EPB41L4A: variants seen among roughly 807,000 people sequenced by gnomAD.
The protein encoded by EPB41L4A is erythrocyte membrane protein band 4.1 like 4A.
Under a neutral mutation model 108.6 loss-of-function variants are expected in EPB41L4A, and 100 were observed. The ratio of observed to expected loss-of-function variants is 0.92; its 90% CI spans 0.78 to 1.09. EPB41L4A has a LOEUF of 1.09. Among genes scored for constraint, EPB41L4A ranks in the 50% least tolerant of loss-of-function variants. EPB41L4A has a pLI of 0.00. For missense variants in EPB41L4A, 1,030 were observed against 842.7 expected, an observed-to-expected ratio of 1.22 and a Z score of -2.75; for synonymous variants, 319 against 289.0, an observed-to-expected ratio of 1.10 and a Z score of -1.05.
intron 9 of EPB41L4A, among the ~76,000 whole-genome samples, chr5:112,252,462 T>C (rs1750745970): frequency 6.6e-6 from 1 of 151,976 alleles, no homozygotes; most frequent in South Asian, 2.1e-4. Flanking sequence ...CTGAAATATA[T>C]TATACCAAAA....
chr5:112,200,420 T>C (rs1348978425), intron 15 of EPB41L4A, among the ~76,000 whole-genome samples: 1 of 152,240 alleles, frequency 6.6e-6, no homozygotes, highest in African/African-American at 2.4e-5. Context: ...TAGGTTTCAA[T>C]AAAAAGTTTT....
At chr5:112,218,483 A>G (rs1386716439) in intron 12 of EPB41L4A, among the ~76,000 whole-genome samples, 2 of 152,172 alleles carry the variant, frequency 1.3e-5, no homozygotes, top group Non-Finnish European at 2.9e-5. Flanking sequence ...AGGGCTACAC[A>G]GCCGACTGAC....
At position 112,361,692 on chromosome 5, in the gene EPB41L4A, A is replaced by G. The variant is rs1758771013; in HGVS notation, c.100-54202T>C. 1.8e-5 allele frequency among the ~76,000 whole-genome samples: 2 copies of G among 114,210 alleles called. 1 individual carries two copies. Among genetic ancestry groups the G allele is most frequent in the South Asian group, 7.6e-4 (2 of 2,632 alleles). 74.9% of individuals were successfully genotyped at this position (114,210 alleles called of 152,430 possible). A position where few individuals can be genotyped will look rare whatever the true frequency, so the allele number is the denominator to read the frequency against. Reference sequence around the variant, plus strand: ...ATAGTAGAAGTAAAATAAAAAGAACACCAAAAATGCTAAAAAAAAATAATA... The same window carrying G: ...ATAGTAGAAGTAAAATAAAAAGAACGCCAAAAATGCTAAAAAAAAATAATA... On this transcript the variant is annotated intron_variant, in intron 1 of 22. Transcript: ENST00000261486.
intron 9 of EPB41L4A, among the ~76,000 whole-genome samples, chr5:112,245,434 T>C (rs1750136293): frequency 6.6e-6 from 1 of 152,212 alleles, no homozygotes; most frequent in Non-Finnish European, 1.5e-5. Flanking sequence ...AAGTCCAACT[T>C]GAATGATGCT....
In EPB41L4A at chr5:112,183,937, C is replaced by G. The variant is rs151146994; in HGVS notation, c.1622+79G>C. ...TGAAATAATCCTAGTTGAACTAAAA[C>G]ACTTTAGAAGACCTGAATATCCACA... On this transcript the variant is annotated intron_variant, in intron 18 of 22. Coordinates refer to ENST00000261486, the MANE Select transcript of EPB41L4A (RefSeq NM_022140.5). 220 of 1,541,162 alleles carry G rather than the reference C, an allele frequency of 1.4e-4. 2 individuals are homozygous for G. In the East Asian group the frequency reaches 4.2e-3, roughly 29 times the overall value.
rs184748618 is a variant in EPB41L4A at position 112,308,981 on chromosome 5, T to C, written c.100-1491A>G. ...ACTCTTTCATGTGCTTACTAGTCAA[T>C]TGCATTTCCTAGCCTTTGAGTTAGG... is the stretch of plus-strand genomic sequence containing the variant. On this transcript the variant is annotated intron_variant, in intron 1 of 22. Coordinates refer to ENST00000261486, the MANE Select transcript of EPB41L4A (RefSeq NM_022140.5). Among the ~76,000 whole-genome samples the C allele has an allele frequency of 1.6e-3, 249 of 152,308 alleles. 1 individual carries two copies. The highest frequency in any genetic ancestry group is 4.6e-3 in the Admixed American group (70 of 15,302).
At chr5:112,321,097 T>C (rs1002700361) in intron 1 of EPB41L4A, among the ~76,000 whole-genome samples, 54 of 152,144 alleles carry the variant, frequency 3.5e-4, no homozygotes, top group Non-Finnish European at 1.0e-4. Flanking sequence ...TTCATAATTA[T>C]GAGCCGGTTT....
intron 9 of EPB41L4A, 108 bp downstream of exon 9, chr5:112,259,121 C>T: frequency 1.2e-6 from 1 of 835,564 alleles, no homozygotes; most frequent in South Asian, 1.6e-5. Flanking sequence ...TAACCTGGTT[C>T]CATGTGGAAG....
intron 1 of EPB41L4A, among the ~76,000 whole-genome samples, chr5:112,326,459 A>G (rs1057422060): frequency 1.1e-4 from 16 of 150,134 alleles, no homozygotes; most frequent in African/African-American, 3.9e-4. Context: ...GTAATTCAAA[A>G]TAATTTTAGT....
At chr5:112,419,930 G>A (rs975002412), upstream of EPB41L4A, 4 of 455,824 alleles carry the variant, frequency 8.8e-6, no homozygotes, top group South Asian at 1.5e-5. Context: ...GGGGAGGCGG[G>A]GACCTGCGGG....
At chr5:112,278,800 T>C (rs540345708) in intron 3 of EPB41L4A, among the ~76,000 whole-genome samples, 17 of 151,186 alleles carry the variant, frequency 1.1e-4, no homozygotes, top group African/African-American at 4.1e-4. Context: ...ACACCTGTAA[T>C]CCCAGCACTT....
At chr5:112,395,051 G>A (rs1488886473) in intron 1 of EPB41L4A, among the ~76,000 whole-genome samples, 1 of 152,210 alleles carries the variant, frequency 6.6e-6, no homozygotes, top group East Asian at 1.9e-4. Flanking sequence ...TATGTAGAAA[G>A]TTGAAACTGG....
intron 12 of EPB41L4A, among the ~76,000 whole-genome samples, chr5:112,223,499 A>T (rs1014774792): frequency 2.0e-5 from 3 of 152,210 alleles, no homozygotes; most frequent in Non-Finnish European, 4.4e-5. Context: ...CCATCTACTC[A>T]GGAATATCTA....
intron 9 of EPB41L4A, among the ~76,000 whole-genome samples, chr5:112,245,106 CAA>C (rs201980289): frequency 2.7e-4 from 28 of 103,912 alleles, no homozygotes; most frequent in Admixed American, 3.0e-4. Flanking sequence ...AAGTGAAGTG[CAA>C]AAAAAAAAAA....
At position 112,205,511 on chromosome 5, in the gene EPB41L4A, T is replaced by C. The variant is rs1163703063; in HGVS notation, c.1179-7A>G. ...ATTCTTTGCTTTCTTAAAGCTTTAA[T>C]TTTAAAAAAAAGTATGAGAAATAAA... On this transcript the variant is annotated splice_region_variant and splice_polypyrimidine_tract_variant and intron_variant, in intron 13 of 22. Coordinates refer to ENST00000261486, the MANE Select transcript of EPB41L4A (RefSeq NM_022140.5). The C allele has an allele frequency of 1.3e-6, 2 of 1,581,940 alleles. No individual in the cohort carries two copies. Among genetic ancestry groups the C allele is most frequent in the East Asian group, 2.2e-5 (1 of 44,730 alleles).
intron 12 of EPB41L4A, among the ~76,000 whole-genome samples, chr5:112,147,877 A>G (rs1228881755): frequency 6.6e-6 from 1 of 151,580 alleles, no homozygotes; most frequent in African/African-American, 2.4e-5. Flanking sequence ...TGTCTCTACT[A>G]AAAATACAAA....
chr5:112,362,830 C>G (rs141210549), intron 1 of EPB41L4A, among the ~76,000 whole-genome samples: 1 of 152,152 alleles, frequency 6.6e-6, no homozygotes, highest in East Asian at 1.9e-4. Flanking sequence ...TCAAGTCTGA[C>G]GATTCATCTC....
At chr5:112,307,227 G>A (rs1754746801) in intron 2 of EPB41L4A, among the ~76,000 whole-genome samples, 159 bp downstream of exon 2, 1 of 152,066 alleles carries the variant, frequency 6.6e-6, no homozygotes, top group South Asian at 2.1e-4. Context: ...GGCAGAAGAG[G>A]AAAAAATGCA....
chr5:112,414,047 G>A (rs1441795196), intron 1 of EPB41L4A, among the ~76,000 whole-genome samples: 2 of 152,186 alleles, frequency 1.3e-5, no homozygotes, highest in African/African-American at 2.4e-5. Flanking sequence ...TTTACAGATG[G>A]GGAAACTGAA....
Sources: gnomAD v4.1 joint callset for allele counts (sites outside exome capture counted in the v4.1 genomes callset) on GRCh38, gnomAD v4.1.1 for gene constraint, MANE v1.5 for transcripts, NCBI Gene and HGNC (gene_info 2026-07-23, HGNC 2026-07-21) for gene names.